Variants in STARD13 observed in about 807,000 individuals in gnomAD.
STARD13 encodes stAR-related lipid transfer protein 13.
STARD13 carries 62 observed loss-of-function variants against 106.4 expected under a neutral mutation model. The observed-to-expected ratio is 0.58, with a 90% CI of 0.48 to 0.72. The LOEUF (loss-of-function observed/expected upper bound fraction) is 0.72, where lower values mean the gene tolerates loss of function less well. Among genes scored for constraint, STARD13 ranks in the 30% least tolerant of loss-of-function variants. The pLI, the probability that STARD13 is intolerant of heterozygous loss-of-function variation, is 0.00. For missense variants in STARD13, 1,387 were observed against 1,424.0 expected, an observed-to-expected ratio of 0.97 and a Z score of 0.42; for synonymous variants, 565 against 553.0, an observed-to-expected ratio of 1.02 and a Z score of -0.31.
the STARD13 span, among the ~76,000 whole-genome samples, chr13:33,676,277 G>A: frequency 6.6e-6 from 1 of 152,276 alleles, no homozygotes; most frequent in East Asian, 1.9e-4. Flanking sequence ...CTGCCATTTG[G>A]TTACAGTTGC....
chr13:33,175,622 A>G lies in STARD13; in HGVS notation c.170-8000T>C, dbSNP rs564385044. 1.0e-3 allele frequency among the ~76,000 whole-genome samples: 154 copies of G among 152,224 alleles called. 1 individual carries two copies. Among genetic ancestry groups the G allele is most frequent in the African/African-American group, 3.3e-3 (137 of 41,524 alleles). On this transcript the variant is annotated intron_variant, in intron 1 of 13. Transcript: ENST00000336934. ...GCTCCAACTTCCACAAAATTGGCCA[A>G]ATGACCAGTATCAGAAGGGCCTGTG...
chr13:33,358,076 A>T, the STARD13 span, among the ~76,000 whole-genome samples: 1 of 152,218 alleles, frequency 6.6e-6, no homozygotes, highest in South Asian at 2.1e-4. Flanking sequence ...CACTCGGAGC[A>T]GCCAGCCAGC....
intron 3 of STARD13, among the ~76,000 whole-genome samples, chr13:33,153,087 A>G (rs1240453476): frequency 6.6e-6 from 1 of 152,244 alleles, no homozygotes; most frequent in East Asian, 1.9e-4. Context: ...AGAATTTATC[A>G]CCACATAGTC....
At chr13:33,285,868 G>A (rs953398986), upstream of STARD13, 1 of 960,754 alleles carries the variant, frequency 1.0e-6, no homozygotes, top group Non-Finnish European at 1.4e-6. Flanking sequence ...TTTGCAGTCA[G>A]CCCTAAGCCC....
the STARD13 span, among the ~76,000 whole-genome samples, chr13:33,568,768 T>C: frequency 2.0e-5 from 3 of 148,318 alleles, 1 homozygote. Context: ...TACATTTAGC[T>C]ATGTATTTAT....
chr13:33,577,871 TA>T, the STARD13 span, among the ~76,000 whole-genome samples: 3 of 152,048 alleles, frequency 2.0e-5, no homozygotes, highest in African/African-American at 7.2e-5. Context: ...TGAACTTCAT[TA>T]AAAATTCAAA....
the STARD13 span, among the ~76,000 whole-genome samples, chr13:33,459,992 T>C: frequency 1.3e-5 from 2 of 152,194 alleles, no homozygotes. Flanking sequence ...TTATTATTAG[T>C]GTTAAGTAAT....
chr13:33,142,265 C>A (rs761559155), intron 4 of STARD13, 45 bp downstream of exon 4: 1 of 1,442,740 alleles, frequency 6.9e-7, no homozygotes, highest in South Asian at 1.1e-5. Flanking sequence ...AAACTCCTGG[C>A]ATTCACTGGC....
chr13:33,472,415 T>A, the STARD13 span, among the ~76,000 whole-genome samples: 1 of 152,122 alleles, frequency 6.6e-6, no homozygotes, highest in Non-Finnish European at 1.5e-5. Context: ...CTATTGACAT[T>A]TGGGGCTGAA....
the STARD13 span, among the ~76,000 whole-genome samples, chr13:33,573,071 G>T: frequency 2.0e-5 from 3 of 152,064 alleles, no homozygotes; most frequent in African/African-American, 7.2e-5. Context: ...AAGTTAAAAT[G>T]TGATCCTTCA....
chr13:33,288,882 C>A (rs1217807115), upstream of STARD13, among the ~76,000 whole-genome samples: 1 of 152,082 alleles, frequency 6.6e-6, no homozygotes, highest in Non-Finnish European at 1.5e-5. Flanking sequence ...GTCATTAGTA[C>A]CTTGTTTTAT....
chr13:33,586,742 G>A, the STARD13 span, among the ~76,000 whole-genome samples: 2 of 141,098 alleles, frequency 1.4e-5, no homozygotes, highest in South Asian at 4.3e-4. Flanking sequence ...GGTGATCACA[G>A]CAAGCTATGA....
At chr13:33,466,918 C>T in the STARD13 span, among the ~76,000 whole-genome samples, 1 of 152,026 alleles carries the variant, frequency 6.6e-6, no homozygotes, top group African/African-American at 2.4e-5. Context: ...AGAAGGGAAA[C>T]ACATACTTGG....
chr13:33,574,573 A>G, the STARD13 span, among the ~76,000 whole-genome samples: 1 of 152,068 alleles, frequency 6.6e-6, no homozygotes, highest in African/African-American at 2.4e-5. Flanking sequence ...CTGTCTTTAC[A>G]AAAACATAAA....
At chr13:33,187,353 AC>A (rs1832931403) in intron 1 of STARD13, among the ~76,000 whole-genome samples, 2 of 152,194 alleles carry the variant, frequency 1.3e-5, no homozygotes, top group African/African-American at 4.8e-5. Flanking sequence ...ATTAGTTAAT[AC>A]TTGATTTACC....
At chr13:33,114,065 C>T (rs192946198) in intron 8 of STARD13, among the ~76,000 whole-genome samples, 1 of 152,296 alleles carries the variant, frequency 6.6e-6, no homozygotes, top group Admixed American at 6.5e-5. Context: ...TTAGCACTCC[C>T]ACGTGTGTTT....
the STARD13 span, among the ~76,000 whole-genome samples, chr13:33,434,471 T>C: frequency 6.6e-6 from 1 of 152,026 alleles, no homozygotes; most frequent in African/African-American, 2.4e-5. Flanking sequence ...GTTTTATACA[T>C]ATAAAGTGAG....
chr13:33,634,567 T>G, the STARD13 span, among the ~76,000 whole-genome samples: 1 of 152,220 alleles, frequency 6.6e-6, no homozygotes, highest in East Asian at 1.9e-4. Context: ...AAAGCCATTT[T>G]TTGAAATCAA....
chr13:33,544,399 C>G, the STARD13 span, among the ~76,000 whole-genome samples: 14 of 152,214 alleles, frequency 9.2e-5, no homozygotes, highest in Admixed American at 9.2e-4. Context: ...TTTATTGACA[C>G]AGTAATTAAA....
Sources: allele counts gnomAD v4.1 joint callset (sites outside exome capture counted in the v4.1 genomes callset), GRCh38; gene constraint gnomAD v4.1.1; transcripts MANE v1.5; gene names NCBI Gene and HGNC (gene_info 2026-07-23, HGNC 2026-07-21).